The following ROR2 variants were observed in gnomAD, a reference collection of about 807,000 sequenced individuals.
ROR2 encodes tyrosine-protein kinase transmembrane receptor ROR2.
A neutral mutation model predicts 74.9 loss-of-function variants in ROR2; 33 were observed. The observed-to-expected ratio is 0.44, with a 90% confidence interval of 0.33 to 0.59. The LOEUF (loss-of-function observed/expected upper bound fraction) is 0.59, where lower values mean the gene tolerates loss of function less well. ROR2 is among the 20% of genes least tolerant of loss of function. ROR2 has a pLI of 0.02. For synonymous variants in ROR2, 586 were observed against 558.7 expected (o/e 1.05, Z -0.69); for missense variants, 1,216 against 1,313.8 (o/e 0.93, Z 1.15).
chr9:91,900,023 T>C (rs1362374717), intron 1 of ROR2, among the ~76,000 whole-genome samples: 1 of 152,208 alleles, frequency 6.6e-6, no homozygotes, highest in Non-Finnish European at 1.5e-5. Flanking sequence ...TAGTAAAACA[T>C]TAATCGATAA....
intron 1 of ROR2, among the ~76,000 whole-genome samples, chr9:91,796,290 G>A (rs566406132): frequency 7.9e-4 from 120 of 152,094 alleles, no homozygotes; most frequent in African/African-American, 2.8e-3. Flanking sequence ...AAAATTAGCT[G>A]GGCATGGTGA....
chr9:91,888,656 G>A (rs934840416), intron 1 of ROR2, among the ~76,000 whole-genome samples: 5 of 152,166 alleles, frequency 3.3e-5, no homozygotes, highest in Non-Finnish European at 5.9e-5. Flanking sequence ...GAGGGTGATC[G>A]AGGCCACACC....
intron 1 of ROR2, among the ~76,000 whole-genome samples, chr9:91,927,149 C>T (rs1483146797): frequency 6.6e-6 from 1 of 152,220 alleles, no homozygotes; most frequent in Admixed American, 6.5e-5. Context: ...GCAAAGTGAT[C>T]TTTTTCAGAC....
chr9:91,836,161 A>T (rs887245051), intron 1 of ROR2, among the ~76,000 whole-genome samples: 3 of 151,956 alleles, frequency 2.0e-5, no homozygotes, highest in African/African-American at 7.3e-5. Context: ...TGGTGGTGGG[A>T]TTCACCCACA....
rs544261442 is a variant in ROR2, at chr9:91,759,229, G to A, written c.176-1670C>T. 2.1e-4 allele frequency among the ~76,000 whole-genome samples: 29 copies of A among 136,684 alleles called. No individual in the cohort carries two copies. The East Asian group carries it at 2.2e-3, about 10-fold the overall frequency. The allele number at this position is 136,684 out of a possible 152,430, so 89.7% of individuals were successfully genotyped here. A position where few individuals can be genotyped will look rare whatever the true frequency, so the allele number is the denominator to read the frequency against. ...GATGGAGAGGTGGGGGAAGCCAGGC[G>A]GTGGATTTAAGATGAGGAGACGGTC... On this transcript the variant is annotated intron_variant, in intron 2 of 8. Transcript: ENST00000375708.
intron 6 of ROR2, among the ~76,000 whole-genome samples, chr9:91,732,493 C>A (rs375249514): frequency 6.6e-6 from 1 of 152,182 alleles, no homozygotes; most frequent in Non-Finnish European, 1.5e-5. Context: ...TTAGGCCCCA[C>A]GATTCAGGGA....
chr9:91,827,247 A>G (rs548905612), intron 1 of ROR2, among the ~76,000 whole-genome samples: 8 of 152,292 alleles, frequency 5.3e-5, no homozygotes, highest in African/African-American at 1.9e-4. Context: ...CTAAATCAAC[A>G]TTATATTATA....
chr9:91,772,278 T>C (rs1296745883), intron 2 of ROR2, among the ~76,000 whole-genome samples: 1 of 152,158 alleles, frequency 6.6e-6, no homozygotes, highest in Admixed American at 6.5e-5. Flanking sequence ...CCGCTAAGAG[T>C]GCTGATGATC....
chr9:91,771,069 T>G (rs1370764690), intron 2 of ROR2, among the ~76,000 whole-genome samples: 1 of 152,214 alleles, frequency 6.6e-6, no homozygotes, highest in Non-Finnish European at 1.5e-5. Context: ...GGGAACAGCC[T>G]AGTAACCCAG....
At chr9:91,735,531 G>A (rs1356009845) in intron 5 of ROR2, among the ~76,000 whole-genome samples, 1 of 150,552 alleles carries the variant, frequency 6.6e-6, no homozygotes, top group Non-Finnish European at 1.5e-5. Flanking sequence ...CTGAGAGTCT[G>A]CAGCTAGCAT....
intron 1 of ROR2, among the ~76,000 whole-genome samples, chr9:91,889,951 C>T (rs1830384651): frequency 1.3e-5 from 2 of 152,122 alleles, no homozygotes; most frequent in Admixed American, 6.6e-5. Context: ...GGTTACCATT[C>T]CTGTAGCCAA....
chr9:91,915,656 G>A (rs1029973815), intron 1 of ROR2, among the ~76,000 whole-genome samples: 1 of 150,400 alleles, frequency 6.6e-6, no homozygotes, highest in Admixed American at 6.6e-5. Flanking sequence ...GGTGGGGGGC[G>A]GGGGGAGGTG....
intron 1 of ROR2, among the ~76,000 whole-genome samples, chr9:91,874,022 G>A (rs936444567): frequency 1.3e-5 from 2 of 152,154 alleles, no homozygotes; most frequent in Non-Finnish European, 2.9e-5. Flanking sequence ...TTGCTCTGAT[G>A]AACACTTACA....
At chr9:91,803,625 G>A (rs1450555092) in intron 1 of ROR2, among the ~76,000 whole-genome samples, 1 of 152,232 alleles carries the variant, frequency 6.6e-6, no homozygotes, top group African/African-American at 2.4e-5. Flanking sequence ...AACATTCCAA[G>A]AAGAGAAGCA....
At chr9:91,873,481 G>A (rs1829866361) in intron 1 of ROR2, among the ~76,000 whole-genome samples, 1 of 152,182 alleles carries the variant, frequency 6.6e-6, no homozygotes, top group Non-Finnish European at 1.5e-5. Context: ...CCAGCTACTC[G>A]TTAGGCTGAG....
chr9:91,905,563 A>G lies in ROR2; in HGVS notation c.97+44304T>C, dbSNP rs560858449. On this transcript the variant is annotated intron_variant, in intron 1 of 8. Coordinates refer to ENST00000375708, the MANE Select transcript of ROR2 (RefSeq NM_004560.4). This position sits in a 1 kb window ranked among gnomAD's most constrained non-coding sequence, Gnocchi z 5.3. ...TACACAGACACAATACAACACATAC[A>G]CAAACATACAACACATACACAAACA... Among the ~76,000 whole-genome samples the G allele has an allele frequency of 2.0e-5, 3 of 148,204 alleles. No individual in the cohort carries two copies. In the South Asian group the frequency reaches 6.2e-4, roughly 31 times the overall value.
At chr9:91,856,377 T>C (rs1230757988) in intron 1 of ROR2, among the ~76,000 whole-genome samples, 3 of 152,196 alleles carry the variant, frequency 2.0e-5, no homozygotes, top group African/African-American at 7.2e-5. Context: ...GTAAGTTAAA[T>C]TGCATGTCTG....
intron 1 of ROR2, among the ~76,000 whole-genome samples, chr9:91,836,539 C>CAAAAAAAATAAAAAAAAAAAAA (rs1828616081): frequency 9.8e-6 from 1 of 102,486 alleles, no homozygotes; most frequent in African/African-American, 3.3e-5. Context: ...GATTCCATCT[C>CAAAAAAAATAAAAAAAAAAAAA]AAAAAAAAAA....
At chr9:91,870,015 C>G (rs181267940) in intron 1 of ROR2, among the ~76,000 whole-genome samples, 21 of 152,300 alleles carry the variant, frequency 1.4e-4, no homozygotes, top group Admixed American at 4.6e-4. Flanking sequence ...ATAGTTTTTA[C>G]ACTTTAAAAT....
Sources: allele counts gnomAD v4.1 joint callset (sites outside exome capture counted in the v4.1 genomes callset), GRCh38; gene constraint gnomAD v4.1.1; non-coding constraint Gnocchi (gnomAD v3.1); transcripts MANE v1.5; gene names NCBI Gene and HGNC (gene_info 2026-07-23, HGNC 2026-07-21).